KCNH7: variants seen among roughly 807,000 people sequenced by gnomAD.
KCNH7 encodes potassium voltage-gated channel subfamily H member 7, also known as voltage-gated inwardly rectifying potassium channel KCNH7.
Under a neutral mutation model 120.8 loss-of-function variants are expected in KCNH7, and 49 were observed. That is an observed-to-expected ratio of 0.41 (90% CI 0.32 to 0.51). The LOEUF is 0.51. Ranked by LOEUF, KCNH7 falls within the 20% of genes least tolerant of loss-of-function variation. KCNH7 has a pLI of 0.38. For synonymous variants in KCNH7, 547 were observed against 516.1 expected (o/e 1.06, Z -0.81); for missense variants, 1,097 against 1,446.6 (o/e 0.76, Z 3.92).
intron 3 of KCNH7, among the ~76,000 whole-genome samples, chr2:162,529,063 G>C (rs1398387853): frequency 5.3e-5 from 8 of 151,962 alleles, no homozygotes; most frequent in Admixed American, 5.3e-4. Context: ...TTCTTAGCTT[G>C]AAATGCTAAA....
intron 6 of KCNH7, among the ~76,000 whole-genome samples, chr2:162,483,538 G>GTT (rs11399272): frequency 1.4e-4 from 20 of 144,572 alleles, no homozygotes; most frequent in Admixed American, 1.2e-3. Context: ...TGTATTCTTT[G>GTT]TTTTTTTTTT....
At chr2:162,805,893 A>AATGT (rs1213873105) in intron 2 of KCNH7, among the ~76,000 whole-genome samples, 1 of 152,148 alleles carries the variant, frequency 6.6e-6, no homozygotes, top group African/African-American at 2.4e-5. Context: ...ACAGAATACT[A>AATGT]CTCAGACATA....
At chr2:162,790,813 T>C (rs1249268772) in intron 2 of KCNH7, among the ~76,000 whole-genome samples, 1 of 151,934 alleles carries the variant, frequency 6.6e-6, no homozygotes, top group Non-Finnish European at 1.5e-5. Context: ...ACAAATTAGA[T>C]AAAGAAAAAA....
intron 3 of KCNH7, among the ~76,000 whole-genome samples, chr2:162,520,155 C>CTTTTTTTTTT (rs397873711): frequency 5.6e-5 from 5 of 89,900 alleles, no homozygotes; most frequent in Non-Finnish European, 8.2e-5. Flanking sequence ...CAAGCCCAGG[C>CTTTTTTTTTT]TTTTTTTTTT....
At chr2:162,474,426 T>A (rs1689662156) in intron 6 of KCNH7, among the ~76,000 whole-genome samples, 1 of 152,208 alleles carries the variant, frequency 6.6e-6, no homozygotes, top group African/African-American at 2.4e-5. Context: ...TAGATCAAAA[T>A]TGGAGGTTCT....
intron 3 of KCNH7, among the ~76,000 whole-genome samples, chr2:162,535,523 A>G (rs1019424313): frequency 6.6e-6 from 1 of 151,758 alleles, no homozygotes; most frequent in African/African-American, 2.4e-5. Flanking sequence ...ATTTTAAGAC[A>G]TTCCTGAAAG....
At chr2:162,555,998 CATG>C (rs1692844313) in intron 2 of KCNH7, among the ~76,000 whole-genome samples, 1 of 151,946 alleles carries the variant, frequency 6.6e-6, no homozygotes, top group South Asian at 2.1e-4. Flanking sequence ...TAAATTAGAA[CATG>C]ATGTGATTAC....
At chr2:162,801,925 C>T (rs1035810097) in intron 2 of KCNH7, among the ~76,000 whole-genome samples, 4 of 151,736 alleles carry the variant, frequency 2.6e-5, no homozygotes, top group Non-Finnish European at 5.9e-5. Context: ...AATACCTGTT[C>T]ACTTACTAAA....
intron 8 of KCNH7, among the ~76,000 whole-genome samples, chr2:162,434,567 A>C (rs1391329931): frequency 6.6e-6 from 1 of 152,074 alleles, no homozygotes; most frequent in African/African-American, 2.4e-5. Context: ...ATTCCAAAGA[A>C]TATCTGTTAT....
intron 6 of KCNH7, among the ~76,000 whole-genome samples, chr2:162,492,883 T>G (rs1690363888): frequency 7.3e-6 from 1 of 137,254 alleles, no homozygotes; most frequent in African/African-American, 3.0e-5. Context: ...TTTTTTTTTT[T>G]TTTTTTTTTG....
intron 2 of KCNH7, among the ~76,000 whole-genome samples, chr2:162,810,922 G>A (rs1200122664): frequency 6.6e-6 from 1 of 152,044 alleles, no homozygotes; most frequent in East Asian, 1.9e-4. Context: ...ACTAATTATG[G>A]TAAAGGCCGC....
chr2:162,429,154 T>C (rs1464983286), intron 8 of KCNH7, among the ~76,000 whole-genome samples: 2 of 151,816 alleles, frequency 1.3e-5, no homozygotes, highest in Non-Finnish European at 3.0e-5. Flanking sequence ...ATTTATAACA[T>C]GCATTTTAAA....
chr2:162,522,041 A>G (rs1256127122), intron 3 of KCNH7, among the ~76,000 whole-genome samples: 3 of 151,948 alleles, frequency 2.0e-5, no homozygotes, highest in African/African-American at 7.2e-5. Flanking sequence ...CAAAGATAAG[A>G]GTAACCAATC....
chr2:162,554,252 T>C (rs574402506), intron 2 of KCNH7, among the ~76,000 whole-genome samples: 56 of 152,316 alleles, frequency 3.7e-4, no homozygotes, highest in African/African-American at 1.3e-3. Context: ...CTCCTCCTTT[T>C]TACTTCTTAA....
intron 6 of KCNH7, among the ~76,000 whole-genome samples, chr2:162,481,348 T>C (rs1246395742): frequency 6.6e-6 from 1 of 152,178 alleles, no homozygotes; most frequent in Non-Finnish European, 1.5e-5. Flanking sequence ...TTATGCCTAC[T>C]TTACAAATTA....
intron 2 of KCNH7, among the ~76,000 whole-genome samples, chr2:162,719,700 A>G (rs1316771038): frequency 6.6e-6 from 1 of 152,070 alleles, no homozygotes; most frequent in Non-Finnish European, 1.5e-5. Flanking sequence ...ATACAAAAAC[A>G]TGACTTCAAC....
intron 8 of KCNH7, among the ~76,000 whole-genome samples, chr2:162,432,563 GGAT>G (rs1688105937): frequency 6.6e-6 from 1 of 151,908 alleles, no homozygotes; most frequent in East Asian, 1.9e-4. Context: ...TGCATTCTAA[GGAT>G]GATGTTCTTT....
At chr2:162,706,663 A>G (rs1048293084) in intron 2 of KCNH7, among the ~76,000 whole-genome samples, 8 of 152,242 alleles carry the variant, frequency 5.3e-5, no homozygotes, top group South Asian at 2.1e-4. Context: ...TTTTTATTTC[A>G]GAAGCTTACA....
chr2:162,647,642 C>T lies in KCNH7; in HGVS notation c.308-110562G>A, dbSNP rs149357660. Among the ~76,000 whole-genome samples, 903 of 152,248 alleles carry T rather than the reference C, an allele frequency of 5.9e-3. 12 individuals carry two copies. The highest frequency in any genetic ancestry group is 0.024 in the South Asian group (118 of 4,822). ...TTTTATAAATGAAAGTTCCCTAACA[C>T]GAGCTCTCTTGCCTGCCACCATTTA... On this transcript the variant is annotated intron_variant, in intron 2 of 15. Coordinates refer to ENST00000332142, the MANE Select transcript of KCNH7 (RefSeq NM_033272.4).
Sources: allele counts gnomAD v4.1 joint callset (sites outside exome capture counted in the v4.1 genomes callset), GRCh38; gene constraint gnomAD v4.1.1; transcripts MANE v1.5; gene names NCBI Gene and HGNC (gene_info 2026-07-23, HGNC 2026-07-21).